The following HPSE2 variants were observed in gnomAD, a reference collection of about 807,000 sequenced individuals.
HPSE2 encodes heparanase 2 (inactive), also known as inactive heparanase-2.
Under a neutral mutation model 60.5 loss-of-function variants are expected in HPSE2, and 38 were observed. The ratio of observed to expected loss-of-function variants is 0.63; its 90% confidence interval spans 0.48 to 0.82. The LOEUF (loss-of-function observed/expected upper bound fraction) is 0.82. Among genes scored for constraint, HPSE2 ranks in the 40% least tolerant of loss-of-function variants. HPSE2 has a pLI of 0.00. For missense variants in HPSE2, 713 were observed against 740.4 expected, an observed-to-expected ratio of 0.96 and a Z score of 0.43; for synonymous variants, 295 against 293.2, an observed-to-expected ratio of 1.01 and a Z score of -0.06.
intron 9 of HPSE2, among the ~76,000 whole-genome samples, chr10:98,577,241 T>C: frequency 6.6e-6 from 1 of 152,080 alleles, no homozygotes; most frequent in East Asian, 1.9e-4. Flanking sequence ...GATTTTACTG[T>C]CTCAGGAAGC....
intron 3 of HPSE2, among the ~76,000 whole-genome samples, chr10:98,882,902 T>C (rs1564631226): frequency 6.6e-6 from 1 of 152,122 alleles, no homozygotes; most frequent in Non-Finnish European, 1.5e-5. Flanking sequence ...AGATAATAAC[T>C]ATGCAAATAT....
chr10:98,477,992 C>T (rs1313423295), intron 11 of HPSE2, among the ~76,000 whole-genome samples: 2 of 152,170 alleles, frequency 1.3e-5, no homozygotes, highest in African/African-American at 4.8e-5. Flanking sequence ...TCCCAAACCA[C>T]CCCCAAGCCC....
chr10:99,265,534 C>A, the HPSE2 span, among the ~76,000 whole-genome samples: 1 of 152,202 alleles, frequency 6.6e-6, no homozygotes, highest in Admixed American at 6.5e-5. Flanking sequence ...CACCATGGCA[C>A]ACGTTTACCT....
intron 3 of HPSE2, among the ~76,000 whole-genome samples, chr10:99,117,659 G>C (rs1274099401): frequency 6.6e-6 from 1 of 151,970 alleles, no homozygotes; most frequent in Non-Finnish European, 1.5e-5. Flanking sequence ...TCCCAAGACA[G>C]AGCCAGTAAG....
At chr10:99,112,195 C>T (rs527431842) in intron 3 of HPSE2, among the ~76,000 whole-genome samples, 1 of 152,130 alleles carries the variant, frequency 6.6e-6, no homozygotes, top group Admixed American at 6.5e-5. Flanking sequence ...AATACAGTAA[C>T]AATAATATAT....
intron 2 of HPSE2, among the ~76,000 whole-genome samples, chr10:99,214,269 G>T (rs1849044902): frequency 6.6e-6 from 1 of 152,152 alleles, no homozygotes; most frequent in Admixed American, 6.5e-5. Context: ...AATGTGAAAT[G>T]GTATAGCCAT....
rs1954830266 is a variant in HPSE2 at position 98,937,306 on chromosome 10, AG to A, written c.611-193251del. On this transcript the variant is annotated intron_variant, in intron 3 of 11. Transcript: ENST00000370552. Reference sequence around the variant, plus strand: ...GGCATTGCCTCACTCAGGAAGTGCAAGGAGTCGGGGAGTTCCCTTTCCTAGT... The same window carrying A: ...GGCATTGCCTCACTCAGGAAGTGCAAGAGTCGGGGAGTTCCCTTTCCTAGT... Among the ~76,000 whole-genome samples, 2 of 144,634 alleles carry A rather than the reference AG, an allele frequency of 1.4e-5. 1 individual carries two copies. Among genetic ancestry groups the A allele is most frequent in the Non-Finnish European group, 3.0e-5 (2 of 67,296 alleles). The allele number at this position is 144,634 out of a possible 152,430, so 94.9% of individuals were successfully genotyped here.
At chr10:99,259,453 C>G in the HPSE2 span, among the ~76,000 whole-genome samples, 3,086 of 152,080 alleles carry the variant, frequency 0.02, 112 homozygotes, top group East Asian at 0.16. Context: ...AACAAGCAAC[C>G]TAATAATAAA....
intron 3 of HPSE2, among the ~76,000 whole-genome samples, chr10:98,919,362 A>G (rs1453090565): frequency 1.3e-5 from 2 of 152,198 alleles, no homozygotes; most frequent in Non-Finnish European, 2.9e-5. Context: ...ATGCCATGCT[A>G]CGGAGCTTGG....
At chr10:98,674,507 A>G (rs1335345083) in intron 6 of HPSE2, among the ~76,000 whole-genome samples, 2 of 152,246 alleles carry the variant, frequency 1.3e-5, no homozygotes, top group African/African-American at 4.8e-5. Flanking sequence ...CTTTTGGAAA[A>G]TTCTTAATAT....
intron 3 of HPSE2, among the ~76,000 whole-genome samples, chr10:98,746,103 A>C (rs886564087): frequency 1.5e-5 from 2 of 137,754 alleles, no homozygotes; most frequent in African/African-American, 5.3e-5. Context: ...CTCTACCCAG[A>C]AATAAAATCG....
At chr10:99,204,574 G>T (rs1295453721) in intron 2 of HPSE2, among the ~76,000 whole-genome samples, 2 of 152,156 alleles carry the variant, frequency 1.3e-5, no homozygotes, top group African/African-American at 4.8e-5. Flanking sequence ...AAGAAATGGA[G>T]ATGTATAAAC....
intron 9 of HPSE2, among the ~76,000 whole-genome samples, chr10:98,509,330 A>G (rs1942307825): frequency 6.6e-6 from 1 of 151,922 alleles, no homozygotes; most frequent in African/African-American, 2.4e-5. Context: ...CAACAAAACA[A>G]AAACAGAAGA....
chr10:99,271,806 C>T, the HPSE2 span, among the ~76,000 whole-genome samples: 1 of 152,088 alleles, frequency 6.6e-6, no homozygotes, highest in Admixed American at 6.5e-5. Flanking sequence ...GGACACAGAC[C>T]AATGGAACAG....
At chr10:98,795,547 G>A (rs1160067418) in intron 3 of HPSE2, among the ~76,000 whole-genome samples, 2 of 152,184 alleles carry the variant, frequency 1.3e-5, no homozygotes, top group African/African-American at 4.8e-5. Context: ...AAGTCTCACC[G>A]CCACAGGTCA....
chr10:99,130,923 G>A (rs1845359421), intron 3 of HPSE2, among the ~76,000 whole-genome samples: 1 of 152,160 alleles, frequency 6.6e-6, no homozygotes, highest in African/African-American at 2.4e-5. Context: ...CCAAGATGGA[G>A]TCTGTCTGGC....
chr10:98,504,458 T>C (rs973170874), intron 9 of HPSE2, among the ~76,000 whole-genome samples: 1 of 152,168 alleles, frequency 6.6e-6, no homozygotes, highest in African/African-American at 2.4e-5. Flanking sequence ...ATGATAGTTC[T>C]GAAGCACATG....
intron 3 of HPSE2, among the ~76,000 whole-genome samples, chr10:99,072,282 A>G (rs1051703682): frequency 1.3e-5 from 2 of 152,134 alleles, no homozygotes; most frequent in Admixed American, 1.3e-4. Context: ...TTTGCAACTA[A>G]AGCAAAAATT....
chr10:98,987,925 T>C (rs1410667363), intron 3 of HPSE2, among the ~76,000 whole-genome samples: 5 of 152,068 alleles, frequency 3.3e-5, no homozygotes, highest in African/African-American at 1.2e-4. Context: ...TACCTAGGAA[T>C]CCAACTTACA....
Sources: gnomAD v4.1 joint callset for allele counts (sites outside exome capture counted in the v4.1 genomes callset) on GRCh38, gnomAD v4.1.1 for gene constraint, MANE v1.5 for transcripts, NCBI Gene and HGNC (gene_info 2026-07-23, HGNC 2026-07-21) for gene names.